CDH12: variants seen among roughly 807,000 people sequenced by gnomAD.
CDH12 encodes cadherin 12.
A neutral mutation model predicts 74.1 loss-of-function variants in CDH12; 41 were observed. The ratio of observed to expected loss-of-function variants is 0.55; its 90% CI spans 0.43 to 0.72. The LOEUF (loss-of-function observed/expected upper bound fraction) is 0.72, where lower values mean the gene tolerates loss of function less well. Ranked by LOEUF, CDH12 falls within the 30% of genes least tolerant of loss-of-function variation. CDH12 has a pLI of 0.00. For missense variants in CDH12, 945 were observed against 977.2 expected (o/e 0.97, Z 0.44); for synonymous variants, 399 against 355.0 (o/e 1.12, Z -1.39).
intron 3 of CDH12, among the ~76,000 whole-genome samples, chr5:22,244,740 A>AAAAGAAAAG (rs1554023702): frequency 2.2e-5 from 2 of 92,570 alleles, no homozygotes; most frequent in African/African-American, 6.8e-5. Flanking sequence ...AGAAAGAAAG[A>AAAAGAAAAG]AAAGAAAGAA....
chr5:22,378,804 A>G (rs1214689611), intron 3 of CDH12, among the ~76,000 whole-genome samples: 1 of 152,108 alleles, frequency 6.6e-6, no homozygotes, highest in East Asian at 1.9e-4. Context: ...TTGGGTTTCT[A>G]CTTCAAGCTA....
chr5:21,836,259 C>A (rs1749527134), intron 8 of CDH12, among the ~76,000 whole-genome samples: 1 of 151,512 alleles, frequency 6.6e-6, no homozygotes, highest in Admixed American at 6.6e-5. Flanking sequence ...GTAACAGAAT[C>A]AAAAATAATA....
chr5:22,842,181 A>G (rs1320880063), intron 1 of CDH12, among the ~76,000 whole-genome samples: 3 of 152,176 alleles, frequency 2.0e-5, no homozygotes, highest in African/African-American at 7.2e-5. Flanking sequence ...GACTGGGACT[A>G]AACTTTACTT....
At chr5:22,352,325 C>A (rs1026677184) in intron 3 of CDH12, among the ~76,000 whole-genome samples, 14 of 152,068 alleles carry the variant, frequency 9.2e-5, no homozygotes, top group Non-Finnish European at 4.4e-5. Context: ...CTTTTCATAT[C>A]CCTGACCTTT....
chr5:22,468,648 C>G (rs768863154), intron 2 of CDH12, among the ~76,000 whole-genome samples: 88 of 151,970 alleles, frequency 5.8e-4, no homozygotes, highest in Admixed American at 5.4e-3. Flanking sequence ...AATATGTATA[C>G]TGGTTTGAAC....
In CDH12 at chr5:21,833,245, T is replaced by TTATATGTTATATAACATATAA. The variant is rs1749260084; in HGVS notation, c.814+8915_814+8916insTTATATGTTATATAACATATA. 4.5e-5 allele frequency among the ~76,000 whole-genome samples: 2 copies of TTATATGTTATATAACATATAA among 44,224 alleles called. 1 individual carries two copies. Among genetic ancestry groups the TTATATGTTATATAACATATAA allele is most frequent in the African/African-American group, 3.9e-4 (2 of 5,106 alleles). The allele number at this position is 44,224 out of a possible 152,430, so 29.0% of individuals were successfully genotyped here. On this transcript the variant is annotated intron_variant, in intron 8 of 14. Transcript: ENST00000382254. ...TATGTTATATAACATATAATATATA[T>TTATATGTTATATAACATATAA]TATATATTATATAACATATAATATA...
chr5:22,808,261 T>G (rs532734635), intron 1 of CDH12, among the ~76,000 whole-genome samples: 7 of 152,300 alleles, frequency 4.6e-5, no homozygotes, highest in African/African-American at 1.7e-4. Context: ...ACTCTAATGA[T>G]CACAATTAGA....
At chr5:22,815,903 T>C (rs576443685) in intron 1 of CDH12, among the ~76,000 whole-genome samples, 6 of 152,038 alleles carry the variant, frequency 3.9e-5, no homozygotes, top group South Asian at 2.1e-4. Context: ...AAGTGGGTTA[T>C]AGCATTAGAA....
chr5:22,739,338 G>GA (rs138141000), intron 1 of CDH12, among the ~76,000 whole-genome samples: 45,156 of 150,950 alleles, frequency 0.3, 6,919 homozygotes, highest in South Asian at 0.35. Context: ...TTACATTAAA[G>GA]AAAAAACTCT....
intron 3 of CDH12, among the ~76,000 whole-genome samples, chr5:22,327,761 C>G (rs968201805): frequency 2.6e-5 from 4 of 152,136 alleles, no homozygotes; most frequent in Admixed American, 6.5e-5. Flanking sequence ...CCCTGGACCA[C>G]TTCCCTCTCT....
intron 1 of CDH12, among the ~76,000 whole-genome samples, chr5:22,622,891 C>T (rs1327164994): frequency 1.3e-5 from 2 of 152,170 alleles, no homozygotes; most frequent in African/African-American, 4.8e-5. Flanking sequence ...AGACCAATAT[C>T]CCTGATGAAC....
chr5:22,728,212 T>A (rs1744262631), intron 1 of CDH12, among the ~76,000 whole-genome samples: 1 of 151,914 alleles, frequency 6.6e-6, no homozygotes, highest in Admixed American at 6.6e-5. Flanking sequence ...TTCAGCTATT[T>A]TTTTTCCCAG....
chr5:22,365,865 G>A (rs1162209526), intron 3 of CDH12, among the ~76,000 whole-genome samples: 1 of 152,124 alleles, frequency 6.6e-6, no homozygotes, highest in African/African-American at 2.4e-5. Flanking sequence ...AGAGGCAGAG[G>A]AGCATTAACA....
At chr5:21,845,043 A>C (rs981684689) in intron 7 of CDH12, among the ~76,000 whole-genome samples, 1 of 152,086 alleles carries the variant, frequency 6.6e-6, no homozygotes, top group Non-Finnish European at 1.5e-5. Context: ...AGATTAGATT[A>C]GATGAGATTG....
intron 2 of CDH12, among the ~76,000 whole-genome samples, chr5:22,446,454 A>G (rs893681830): frequency 1.3e-5 from 2 of 152,108 alleles, no homozygotes; most frequent in African/African-American, 2.4e-5. Context: ...CAACAACAAA[A>G]TGAGACTGAA....
At chr5:22,267,146 G>T (rs926090536) in intron 3 of CDH12, among the ~76,000 whole-genome samples, 1 of 152,016 alleles carries the variant, frequency 6.6e-6, no homozygotes, top group Non-Finnish European at 1.5e-5. Flanking sequence ...TTATCTTAGG[G>T]CTATTAATGC....
intron 5 of CDH12, among the ~76,000 whole-genome samples, chr5:22,006,354 G>C (rs1286377948): frequency 6.6e-6 from 1 of 151,600 alleles, no homozygotes; most frequent in South Asian, 2.1e-4. Context: ...ATGCTTTCTC[G>C]GGTAATTTCA....
intron 3 of CDH12, among the ~76,000 whole-genome samples, chr5:22,233,807 A>G (rs1392743007): frequency 6.6e-6 from 1 of 152,222 alleles, no homozygotes. Flanking sequence ...TGTATTTTAC[A>G]GAAGTTTAGT....
chr5:22,490,235 C>A (rs1480257968), intron 2 of CDH12, among the ~76,000 whole-genome samples: 1 of 152,112 alleles, frequency 6.6e-6, no homozygotes, highest in Non-Finnish European at 1.5e-5. Flanking sequence ...AGGAAAAACA[C>A]AACTAATTTT....
Sources: gnomAD v4.1 joint callset for allele counts (sites outside exome capture counted in the v4.1 genomes callset) on GRCh38, gnomAD v4.1.1 for gene constraint, MANE v1.5 for transcripts, NCBI Gene and HGNC (gene_info 2026-07-23, HGNC 2026-07-21) for gene names.